Variants in HS3ST5 observed in about 807,000 individuals in gnomAD.
HS3ST5 encodes the protein heparan sulfate-glucosamine 3-sulfotransferase 5, also known as heparan sulfate glucosamine 3-O-sulfotransferase 5.
A neutral mutation model predicts 25.4 loss-of-function variants in HS3ST5; 10 were observed. The ratio of observed to expected loss-of-function variants is 0.39; its 90% CI spans 0.24 to 0.67. HS3ST5 has a LOEUF of 0.67. Ranked by LOEUF, HS3ST5 falls within the 30% of genes least tolerant of loss-of-function variation. The pLI is 0.44. For missense variants in HS3ST5, 324 were observed against 420.7 expected (o/e 0.77, Z 2.01); for synonymous variants, 170 against 162.4 (o/e 1.05, Z -0.36).
intron 4 of HS3ST5, among the ~76,000 whole-genome samples, chr6:114,060,421 G>A (rs542406619): frequency 1.3e-5 from 2 of 152,258 alleles, no homozygotes; most frequent in East Asian, 3.9e-4. Context: ...TTTAAATGGA[G>A]GATGTAAAAT....
intron 1 of HS3ST5, among the ~76,000 whole-genome samples, chr6:114,243,940 T>G (rs1157293671): frequency 2.0e-5 from 3 of 152,130 alleles, no homozygotes; most frequent in Non-Finnish European, 4.4e-5. Flanking sequence ...CAAATTAGAA[T>G]AGTGAGAATG....
chr6:114,204,718 T>C (rs1390813369), intron 2 of HS3ST5, among the ~76,000 whole-genome samples: 3 of 152,204 alleles, frequency 2.0e-5, no homozygotes, highest in African/African-American at 7.2e-5. Flanking sequence ...AGTTGTCTTG[T>C]CCACTTTGAT....
chr6:114,280,395 A>C (rs1161714223), intron 1 of HS3ST5, among the ~76,000 whole-genome samples: 1 of 151,916 alleles, frequency 6.6e-6, no homozygotes, highest in African/African-American at 2.4e-5. Flanking sequence ...ATAGCCTTTC[A>C]ACAGGTAAGA....
chr6:114,246,588 T>A (rs975723375), intron 1 of HS3ST5, among the ~76,000 whole-genome samples: 1 of 152,242 alleles, frequency 6.6e-6, no homozygotes, highest in Non-Finnish European at 1.5e-5. Flanking sequence ...GTGGCTTTAA[T>A]GATACCTTAG....
chr6:114,328,534 C>G (rs541185809), intron 1 of HS3ST5, among the ~76,000 whole-genome samples: 1 of 152,304 alleles, frequency 6.6e-6, no homozygotes, highest in Non-Finnish European at 1.5e-5. Flanking sequence ...CAGCTACTGT[C>G]TTTCTTTCTT....
At chr6:114,339,567 C>T (rs1028120865) in intron 1 of HS3ST5, among the ~76,000 whole-genome samples, 1 of 152,096 alleles carries the variant, frequency 6.6e-6, no homozygotes, top group Non-Finnish European at 1.5e-5. Context: ...AATGCGAATT[C>T]ACTTTTTCAG....
At chr6:114,331,890 A>C (rs1776412404) in intron 1 of HS3ST5, among the ~76,000 whole-genome samples, 1 of 152,066 alleles carries the variant, frequency 6.6e-6, no homozygotes, top group East Asian at 1.9e-4. Context: ...TTAAAAGAGA[A>C]CTCAGACTTT....
chr6:114,133,028 C>T (rs982560629), intron 3 of HS3ST5, among the ~76,000 whole-genome samples: 1 of 152,194 alleles, frequency 6.6e-6, no homozygotes, highest in Non-Finnish European at 1.5e-5. Context: ...CAAACCCTTC[C>T]ATGGTGCTTG....
At chr6:114,143,411 T>G (rs541805276) in intron 3 of HS3ST5, among the ~76,000 whole-genome samples, 1 of 152,358 alleles carries the variant, frequency 6.6e-6, no homozygotes, top group African/African-American at 2.4e-5. Flanking sequence ...ATTCCTCTTC[T>G]GGATTTGTGT....
intron 1 of HS3ST5, among the ~76,000 whole-genome samples, chr6:114,320,137 T>C (rs1163754661): frequency 2.0e-5 from 3 of 152,116 alleles, no homozygotes; most frequent in Non-Finnish European, 4.4e-5. Context: ...ACTGCACTGT[T>C]ATTGGGACTC....
At chr6:114,248,217 A>ATATAT (rs1554221874) in intron 1 of HS3ST5, among the ~76,000 whole-genome samples, 13 of 143,154 alleles carry the variant, frequency 9.1e-5, no homozygotes, top group East Asian at 2.0e-4. Context: ...TGAAAAAAAA[A>ATATAT]ATATATATAT....
intron 1 of HS3ST5, among the ~76,000 whole-genome samples, chr6:114,248,133 G>A (rs557925828): frequency 3.3e-4 from 50 of 150,488 alleles, no homozygotes; most frequent in Admixed American, 1.5e-3. Context: ...CCTAGGAGAC[G>A]GAAGTTGCAG....
chr6:114,194,117 TATC>T (rs557665818), intron 2 of HS3ST5, among the ~76,000 whole-genome samples: 110 of 152,312 alleles, frequency 7.2e-4, no homozygotes, highest in African/African-American at 2.6e-3. Flanking sequence ...AGAAACAAGT[TATC>T]ATTCGTGCTG....
chr6:114,264,046 G>A (rs1338830212), intron 1 of HS3ST5, among the ~76,000 whole-genome samples: 1 of 152,034 alleles, frequency 6.6e-6, no homozygotes, highest in East Asian at 1.9e-4. Context: ...TTTTCTAGGT[G>A]TGTCTAAACA....
chr6:114,086,904 C>T (rs150887916), intron 3 of HS3ST5, among the ~76,000 whole-genome samples: 1 of 152,270 alleles, frequency 6.6e-6, no homozygotes, highest in East Asian at 1.9e-4. Context: ...AGTGAAATGT[C>T]AAATACTTTT....
At chr6:114,087,116 T>G (rs962413107) in intron 3 of HS3ST5, among the ~76,000 whole-genome samples, 10 of 152,192 alleles carry the variant, frequency 6.6e-5, no homozygotes, top group African/African-American at 2.4e-4. Context: ...TGCGGCAAAG[T>G]GGAGCCACTT....
intron 2 of HS3ST5, among the ~76,000 whole-genome samples, chr6:114,184,496 GA>G (rs1201468870): frequency 6.6e-6 from 1 of 152,090 alleles, no homozygotes; most frequent in Non-Finnish European, 1.5e-5. Context: ...GAAAGAGATG[GA>G]AAAAAATGAA....
At chr6:114,270,663 C>T (rs1284217444) in intron 1 of HS3ST5, among the ~76,000 whole-genome samples, 2 of 152,132 alleles carry the variant, frequency 1.3e-5, no homozygotes, top group African/African-American at 2.4e-5. Flanking sequence ...CACTTAGCCT[C>T]TCTAGGACTT....
In HS3ST5 at chr6:114,057,755, A is replaced by G; in HGVS notation, c.543T>C (p.Ile181=). 6.2e-7 allele frequency: 1 copy of G among 1,614,114 alleles called. No homozygotes were observed. The highest frequency in any genetic ancestry group is 8.5e-7 in the Non-Finnish European group (1 of 1,180,032). Residue 181 remains isoleucine (I), a synonymous_variant, in exon 5 of 5, where the codon ATT becomes ATC. Transcript: ENST00000312719. ...KMNSSIKLLI[I]VREPTTRAIS... ...TAGCTCTTGTGGTTGGCTCCCTGAC[A>G]ATGATCAACAACTTGATGGATGAGT... is the stretch of plus-strand genomic sequence containing the variant.
Sources: allele counts gnomAD v4.1 joint callset (sites outside exome capture counted in the v4.1 genomes callset), GRCh38; gene constraint gnomAD v4.1.1; transcripts MANE v1.5; gene names NCBI Gene and HGNC (gene_info 2026-07-23, HGNC 2026-07-21).